Variants in TMOD3 observed in about 807,000 individuals in gnomAD.
TMOD3 encodes the protein tropomodulin 3.
A neutral mutation model predicts 39.2 loss-of-function variants in TMOD3; 20 were observed. The observed-to-expected ratio is 0.51, with a 90% CI of 0.36 to 0.74. The LOEUF (loss-of-function observed/expected upper bound fraction) is 0.74, where lower values mean the gene tolerates loss of function less well. TMOD3 is among the 30% of genes least tolerant of loss of function. The probability of loss-of-function intolerance (pLI) is 0.00; values close to 1 mark genes in which losing one functional copy is unlikely to be tolerated. For missense variants in TMOD3, 381 were observed against 412.8 expected, an observed-to-expected ratio of 0.92 and a Z score of 0.67; for synonymous variants, 143 against 145.8, an observed-to-expected ratio of 0.98 and a Z score of 0.14.
At chr15:51,884,663 A>AG (rs1207986682) in intron 3 of TMOD3, 1 of 152,116 alleles carries the variant, frequency 6.6e-6, no homozygotes, top group East Asian at 1.9e-4. Context: ...AAAAAAAAAA[A>AG]GTTGGCAATT....
chr15:51,854,097 T>C (rs1595893537), intron 1 of TMOD3, among the ~76,000 whole-genome samples: 1 of 152,338 alleles, frequency 6.6e-6, no homozygotes, highest in African/African-American at 2.4e-5. Context: ...AAGGACCAGC[T>C]TCTCTGAACT....
chr15:51,877,680 T>TAA (rs879610786), intron 3 of TMOD3, among the ~76,000 whole-genome samples: 4 of 137,154 alleles, frequency 2.9e-5, no homozygotes, highest in Non-Finnish European at 4.8e-5. Flanking sequence ...AACTCTGTCT[T>TAA]AAAAAAAAAA....
intron 5 of TMOD3, among the ~76,000 whole-genome samples, chr15:51,892,114 T>C (rs2056596601): frequency 6.6e-6 from 1 of 152,180 alleles, no homozygotes; most frequent in African/African-American, 2.4e-5. Flanking sequence ...TACTCTTAGA[T>C]GGAATTTATT....
chr15:51,886,391 G>A (rs1300912622), intron 3 of TMOD3, among the ~76,000 whole-genome samples: 2 of 152,250 alleles, frequency 1.3e-5, no homozygotes, highest in Non-Finnish European at 2.9e-5. Flanking sequence ...AGCACTGAGT[G>A]AGCGAGACTC....
chr15:51,847,504 C>G (rs555476575), intron 1 of TMOD3, among the ~76,000 whole-genome samples: 2 of 152,294 alleles, frequency 1.3e-5, no homozygotes, highest in African/African-American at 4.8e-5. Context: ...TCTGAGTCAA[C>G]AAACCGTAGC....
At position 51,914,218 on chromosome 15, in the gene TMOD3, GA is replaced by G. The variant is rs1191987474; in HGVS notation, c.*5410del. 6.6e-6 allele frequency: 1 copy of G among 152,184 alleles called. No homozygotes were observed. Among genetic ancestry groups the G allele is most frequent in the African/African-American group, 2.4e-5 (1 of 41,416 alleles). The allele number at this position is 152,184 out of a possible 1,614,324, so 9.4% of individuals were successfully genotyped here. A position where few individuals can be genotyped will look rare whatever the true frequency, so the allele number is the denominator to read the frequency against. ...GAGAATTGCTTGAGCCTGGGAGGTTGAAGCAGCAGTGAGCTTTGATCATGCC... is the reference window on the plus strand; with the variant it reads ...GAGAATTGCTTGAGCCTGGGAGGTTGAGCAGCAGTGAGCTTTGATCATGCC... On this transcript the variant is annotated 3_prime_UTR_variant, in exon 10 of 10. Coordinates refer to ENST00000308580, the MANE Select transcript of TMOD3 (RefSeq NM_014547.5).
chr15:51,849,357 A>G (rs1036220247), intron 1 of TMOD3, among the ~76,000 whole-genome samples: 2 of 152,184 alleles, frequency 1.3e-5, no homozygotes, highest in Admixed American at 6.5e-5. Flanking sequence ...TTTTACATGG[A>G]TAGTTATTTG....
At chr15:51,864,149 C>A (rs2056433148) in intron 2 of TMOD3, among the ~76,000 whole-genome samples, 1 of 151,014 alleles carries the variant, frequency 6.6e-6, no homozygotes. Flanking sequence ...CATGTAGCCC[C>A]AGGCTACTTG....
intron 2 of TMOD3, among the ~76,000 whole-genome samples, chr15:51,863,334 G>A (rs16964579): frequency 0.037 from 5,592 of 152,210 alleles, 133 homozygotes; most frequent in Non-Finnish European, 0.05. Flanking sequence ...TTTGATACAC[G>A]CCAACCTCTG....
chr15:51,871,143 A>C (rs1200784473), intron 3 of TMOD3, among the ~76,000 whole-genome samples: 2 of 152,186 alleles, frequency 1.3e-5, no homozygotes, highest in Non-Finnish European at 2.9e-5. Flanking sequence ...CATAAAACTA[A>C]CCATCACGCT....
At chr15:51,888,332 G>C (rs143406250) in intron 4 of TMOD3, among the ~76,000 whole-genome samples, 129 of 152,234 alleles carry the variant, frequency 8.5e-4, no homozygotes, top group African/African-American at 3.0e-3. Flanking sequence ...TTTGAATGTA[G>C]CACTGATGGT....
At chr15:51,846,153 C>A (rs2623249) in intron 1 of TMOD3, among the ~76,000 whole-genome samples, 66,349 of 137,872 alleles carry the variant, frequency 0.48, 15,561 homozygotes, top group Admixed American at 0.55. Context: ...CCATTTCTAC[C>A]AAAAAAAAAA....
At chr15:51,856,959 G>T (rs1595894417) in intron 1 of TMOD3, among the ~76,000 whole-genome samples, 1 of 152,140 alleles carries the variant, frequency 6.6e-6, no homozygotes, top group East Asian at 1.9e-4. Flanking sequence ...TGTGTACCAG[G>T]AAATAGGTAA....
At chr15:51,897,723 T>G (rs1241149870) in intron 7 of TMOD3, among the ~76,000 whole-genome samples, 1 of 135,420 alleles carries the variant, frequency 7.4e-6, no homozygotes, top group African/African-American at 2.9e-5. Flanking sequence ...GACCTTGTGA[T>G]CCGCCCACCT....
chr15:51,881,453 A>G (rs2056533200), intron 3 of TMOD3, among the ~76,000 whole-genome samples: 1 of 151,812 alleles, frequency 6.6e-6, no homozygotes, highest in Non-Finnish European at 1.5e-5. Flanking sequence ...GATGTAGTAC[A>G]ATTTATCTGT....
chr15:51,882,817 TA>T (rs139359647), intron 3 of TMOD3, among the ~76,000 whole-genome samples: 15 of 147,224 alleles, frequency 1.0e-4, no homozygotes, highest in Admixed American at 2.7e-4. Flanking sequence ...TCACTTTCTA[TA>T]AAAAAAAAAC....
At chr15:51,908,721 C>T in intron 9 of TMOD3, 55 bp from the exon 10 acceptor site, 1 of 1,435,430 alleles carries the variant, frequency 7.0e-7, no homozygotes, top group Non-Finnish European at 9.5e-7. Flanking sequence ...AAGCAAGTTA[C>T]CATTGTAAAA....
intron 1 of TMOD3, among the ~76,000 whole-genome samples, chr15:51,832,811 T>A (rs1428496822): frequency 6.6e-6 from 1 of 152,126 alleles, no homozygotes; most frequent in Non-Finnish European, 1.5e-5. Context: ...AAAAAAAGGC[T>A]TTTAGTAAGG....
intron 3 of TMOD3, among the ~76,000 whole-genome samples, chr15:51,876,781 AAAAATCTTCCGTCCAG>A (rs2056506436): frequency 6.6e-6 from 1 of 152,086 alleles, no homozygotes; most frequent in Admixed American, 6.5e-5. Context: ...TTTTAAAAAA[AAAAATCTTCCGTCCAG>A]GCATGATGGC....
Sources: gnomAD v4.1 joint callset for allele counts (sites outside exome capture counted in the v4.1 genomes callset) on GRCh38, gnomAD v4.1.1 for gene constraint, MANE v1.5 for transcripts, NCBI Gene and HGNC (gene_info 2026-07-23, HGNC 2026-07-21) for gene names.